The following SENP7 variants were observed in gnomAD, a reference collection of about 807,000 sequenced individuals.
The protein encoded by SENP7 is SUMO specific peptidase 7.
Under a neutral mutation model 141.2 loss-of-function variants are expected in SENP7, and 64 were observed. That is an observed-to-expected ratio of 0.45 (90% CI 0.37 to 0.56). SENP7 has a LOEUF of 0.56. Among genes scored for constraint, SENP7 ranks in the 20% least tolerant of loss-of-function variants. SENP7 has a pLI of 0.00. For synonymous variants in SENP7, 382 were observed against 426.4 expected, an observed-to-expected ratio of 0.90 and a Z score of 1.28; for missense variants, 1,025 against 1,212.2, an observed-to-expected ratio of 0.85 and a Z score of 2.29.
At chr3:101,334,367 G>C (rs1431123804) in intron 17 of SENP7, among the ~76,000 whole-genome samples, 1 of 152,100 alleles carries the variant, frequency 6.6e-6, no homozygotes, top group East Asian at 1.9e-4. Flanking sequence ...GGATAAAGGT[G>C]GTATGTGACT....
Position 101,366,583 on chromosome 3 carries a change from A to G in SENP7, c.1165T>C (p.Ser389Pro). 6.2e-7 allele frequency: 1 copy of G among 1,614,020 alleles called. No homozygotes were observed. The highest frequency in any genetic ancestry group is 8.5e-7 in the Non-Finnish European group (1 of 1,179,914). ...GAGTTCTCAACGGTTTCAGTGGTTG[A>G]ACCGGCAGAGGCACTTTTGGTGGCA... ...SNATKSASAG[S>P]TTETVENSNS... The change falls in exon 9 of 24, where the codon TCA becomes CCA. Residue 389 changes from serine (S) to proline (P), a missense_variant. By Grantham distance (74) the Ser-to-Pro change is moderately conservative (BLOSUM62 -1). Coordinates refer to ENST00000394095, the MANE Select transcript of SENP7 (RefSeq NM_020654.5).
intron 10 of SENP7, among the ~76,000 whole-genome samples, chr3:101,362,356 G>A: frequency 6.6e-6 from 1 of 152,174 alleles, no homozygotes; most frequent in East Asian, 1.9e-4. Context: ...CATGCGATTA[G>A]TAAGAAGCAA....
At chr3:101,425,463 C>T (rs560618782) in intron 4 of SENP7, among the ~76,000 whole-genome samples, 1 of 152,304 alleles carries the variant, frequency 6.6e-6, no homozygotes, top group Non-Finnish European at 1.5e-5. Flanking sequence ...CTTTTTACCA[C>T]AATCAAACCC....
At chr3:101,501,141 T>C (rs751403169) in intron 1 of SENP7, 22 bp from the exon 2 acceptor site, 3 of 1,565,122 alleles carry the variant, frequency 1.9e-6, no homozygotes, top group East Asian at 4.5e-5. Context: ...AAAGACGTGG[T>C]AAAAATTATC....
chr3:101,408,825 A>G (rs1465444970), intron 5 of SENP7, among the ~76,000 whole-genome samples: 1 of 152,202 alleles, frequency 6.6e-6, no homozygotes, highest in Non-Finnish European at 1.5e-5. Flanking sequence ...AGCCAACATA[A>G]TACTGAATGG....
intron 5 of SENP7, among the ~76,000 whole-genome samples, chr3:101,408,199 T>G (rs2061357907): frequency 6.6e-6 from 1 of 152,072 alleles, no homozygotes; most frequent in African/African-American, 2.4e-5. Context: ...AATAAATTCC[T>G]GGAAAGATAG....
At chr3:101,501,954 T>C (rs2065399533) in intron 1 of SENP7, among the ~76,000 whole-genome samples, 1 of 152,194 alleles carries the variant, frequency 6.6e-6, no homozygotes, top group Non-Finnish European at 1.5e-5. Context: ...CACCCTTGAC[T>C]ACCTCACACC....
At chr3:101,352,222 T>G (rs1425712973) in intron 11 of SENP7, among the ~76,000 whole-genome samples, 1 of 152,028 alleles carries the variant, frequency 6.6e-6, no homozygotes, top group Admixed American at 6.6e-5. Context: ...ATTTTAAAAT[T>G]TGCTTTTACC....
At chr3:101,432,265 C>T (rs759928112) in intron 4 of SENP7, among the ~76,000 whole-genome samples, 1 of 152,154 alleles carries the variant, frequency 6.6e-6, no homozygotes, top group Non-Finnish European at 1.5e-5. Flanking sequence ...GCCAGCTCAA[C>T]CATAATACAA....
intron 5 of SENP7, among the ~76,000 whole-genome samples, chr3:101,408,338 A>G (rs1470842071): frequency 6.6e-6 from 1 of 152,188 alleles, no homozygotes; most frequent in East Asian, 1.9e-4. Flanking sequence ...GATTCACAGC[A>G]GAATTCTACT....
intron 5 of SENP7, among the ~76,000 whole-genome samples, chr3:101,407,546 G>A (rs1267481786): frequency 1.3e-5 from 2 of 152,048 alleles, no homozygotes; most frequent in Non-Finnish European, 2.9e-5. Context: ...CACAAAACAA[G>A]CCTCAATAAA....
chr3:101,336,614 T>G (rs1036695539), intron 17 of SENP7, among the ~76,000 whole-genome samples: 1 of 152,240 alleles, frequency 6.6e-6, no homozygotes, highest in Non-Finnish European at 1.5e-5. Context: ...TAAATGGAGT[T>G]GTAAATTGTA....
intron 17 of SENP7, among the ~76,000 whole-genome samples, chr3:101,335,062 CAG>C (rs1325925345): frequency 6.6e-6 from 1 of 152,066 alleles, no homozygotes; most frequent in Non-Finnish European, 1.5e-5. Context: ...AAATGAGAAA[CAG>C]AAAATGAAGA....
chr3:101,334,657 AC>A (rs1211206399), intron 17 of SENP7, among the ~76,000 whole-genome samples: 1 of 152,200 alleles, frequency 6.6e-6, no homozygotes, highest in Non-Finnish European at 1.5e-5. Context: ...TTTCAAAAGG[AC>A]CCAACCATTA....
chr3:101,446,376 C>G (rs373899063), intron 4 of SENP7, among the ~76,000 whole-genome samples: 19 of 152,178 alleles, frequency 1.2e-4, no homozygotes, highest in African/African-American at 4.6e-4. Flanking sequence ...ATCATCCAGA[C>G]AGAAAACATC....
intron 12 of SENP7, among the ~76,000 whole-genome samples, chr3:101,348,423 TAGCAAAA>T (rs879679603): frequency 3.9e-5 from 6 of 152,086 alleles, no homozygotes; most frequent in Non-Finnish European, 5.9e-5. Context: ...TGATAATCGT[TAGCAAAA>T]AGGAAAAAAA....
chr3:101,406,509 C>A (rs937989886), intron 5 of SENP7, among the ~76,000 whole-genome samples: 5 of 151,316 alleles, frequency 3.3e-5, no homozygotes, highest in African/African-American at 4.9e-5. Flanking sequence ...GTGCAGCACA[C>A]CAACATGGCA....
At chr3:101,352,946 AG>A (rs777850201) in intron 11 of SENP7, among the ~76,000 whole-genome samples, 1 of 152,022 alleles carries the variant, frequency 6.6e-6, no homozygotes, top group African/African-American at 2.4e-5. Context: ...CTAAAAGCTG[AG>A]CTTGGAGTTA....
intron 4 of SENP7, among the ~76,000 whole-genome samples, chr3:101,425,682 T>C (rs1327125527): frequency 1.3e-5 from 2 of 151,890 alleles, no homozygotes; most frequent in Non-Finnish European, 2.9e-5. Context: ...ATGACAGAAA[T>C]AGAATTCAGA....
Sources: allele counts gnomAD v4.1 joint callset (sites outside exome capture counted in the v4.1 genomes callset), GRCh38; gene constraint gnomAD v4.1.1; transcripts MANE v1.5; gene names NCBI Gene and HGNC (gene_info 2026-07-23, HGNC 2026-07-21).